Variants in UBE2Z observed in about 807,000 individuals in gnomAD.
UBE2Z encodes the protein ubiquitin-conjugating enzyme E2 Z.
A neutral mutation model predicts 32.6 loss-of-function variants in UBE2Z; 10 were observed. The observed-to-expected ratio is 0.31, with a 90% CI of 0.19 to 0.52. UBE2Z has a LOEUF of 0.52. UBE2Z is among the 20% of genes least tolerant of loss of function. UBE2Z has a pLI of 0.97. For synonymous variants in UBE2Z, 183 were observed against 190.8 expected, an observed-to-expected ratio of 0.96 and a Z score of 0.34; for missense variants, 343 against 480.9, an observed-to-expected ratio of 0.71 and a Z score of 2.68.
intron 1 of UBE2Z, among the ~76,000 whole-genome samples, chr17:48,909,951 C>T (rs1366906823): frequency 1.3e-5 from 2 of 152,208 alleles, no homozygotes; most frequent in African/African-American, 4.8e-5. Flanking sequence ...CCACCTCTAA[C>T]TGAAACTCAG....
chr17:48,926,167 T>TGG (rs1282674074), intron 6 of UBE2Z, among the ~76,000 whole-genome samples: 4 of 152,140 alleles, frequency 2.6e-5, no homozygotes, highest in African/African-American at 9.7e-5. Context: ...GACGAGTCCC[T>TGG]GGGGAGGAGT....
At chr17:48,917,158 T>C (rs557051643) in intron 4 of UBE2Z, among the ~76,000 whole-genome samples, 30 of 152,098 alleles carry the variant, frequency 2.0e-4, no homozygotes, top group Non-Finnish European at 1.3e-4. Flanking sequence ...TACAAAAAAT[T>C]AGCTGGGTGT....
chr17:48,917,007 C>T (rs1422544490), intron 4 of UBE2Z, among the ~76,000 whole-genome samples: 1 of 147,950 alleles, frequency 6.8e-6, no homozygotes, highest in African/African-American at 2.5e-5. Flanking sequence ...GTCCCCCCAC[C>T]CCCAAAAAAA....
intron 3 of UBE2Z, among the ~76,000 whole-genome samples, chr17:48,913,872 ATTTTTGTTTTGTTTTGTTTG>A (rs1402881560): frequency 1.1e-3 from 161 of 151,574 alleles, no homozygotes; most frequent in African/African-American, 3.5e-3. Context: ...TTATGGTTTC[ATTTTTGTTTTGTTTTGTTTG>A]TTTTTGTTTT....
rs1174761637 is a variant in UBE2Z, at chr17:48,908,608, C to T, written c.105C>T (p.Gly35=). 1.6e-6 allele frequency: 2 copies of T among 1,236,944 alleles called. No homozygotes were observed. The highest frequency in any genetic ancestry group is 2.0e-6 in the Non-Finnish European group (2 of 987,512). 76.6% of individuals were successfully genotyped at this position (1,236,944 alleles called of 1,614,324 possible). A position where few individuals can be genotyped will look rare whatever the true frequency, so the allele number is the denominator to read the frequency against. ...AGVVGVSGSG[G]GFGPPFLPDV... ...TTGTTGGCGTTAGCGGCAGCGGCGGCGGGTTCGGGCCGCCTTTCCTGCCGG... is the reference window on the plus strand; with the variant it reads ...TTGTTGGCGTTAGCGGCAGCGGCGGTGGGTTCGGGCCGCCTTTCCTGCCGG... The change falls in exon 1 of 7, where the codon GGC becomes GGT. Residue 35 remains glycine, a synonymous_variant. Coordinates refer to ENST00000360943, the MANE Select transcript of UBE2Z (RefSeq NM_023079.5).
chr17:48,910,357 C>A (rs548899862), intron 1 of UBE2Z: 4 of 165,702 alleles, frequency 2.4e-5, no homozygotes, highest in Admixed American at 2.3e-4. Context: ...CAATAAAGGT[C>A]CACTGTATAG....
chr17:48,927,298 C>A lies in UBE2Z; in HGVS notation c.*164C>A, dbSNP rs972718389. The A allele has an allele frequency of 1.3e-6, 1 of 742,908 alleles. No individual in the cohort carries two copies. The allele number at this position is 742,908 out of a possible 1,614,324, so 46.0% of individuals were successfully genotyped here. A position where few individuals can be genotyped will look rare whatever the true frequency, so the allele number is the denominator to read the frequency against. ...CGATCCCAGGGTGTGGGAGTGGGGG[C>A]CTGTTCCCGGTCTGACCTCCTTGGC... On this transcript the variant is annotated 3_prime_UTR_variant, in exon 7 of 7. Transcript: ENST00000360943.
chr17:48,926,773 G>T (rs762164624), intron 6 of UBE2Z, among the ~76,000 whole-genome samples, 191 bp from the exon 7 acceptor site: 10 of 152,244 alleles, frequency 6.6e-5, no homozygotes, highest in African/African-American at 1.4e-4. Flanking sequence ...GAGCCACCGC[G>T]CCTGGCCCAG....
chr17:48,910,749 G>C, intron 1 of UBE2Z, 59 bp from the exon 2 acceptor site: 1 of 1,322,886 alleles, frequency 7.6e-7, no homozygotes. Context: ...CTGCTCAAGG[G>C]ATTCCCCCTT....
chr17:48,924,056 C>T (rs542155327), intron 6 of UBE2Z, among the ~76,000 whole-genome samples: 234 of 152,308 alleles, frequency 1.5e-3, no homozygotes, highest in African/African-American at 5.4e-3. Context: ...GGGGTTTCAC[C>T]ATGTTGGCCA....
At chr17:48,924,602 T>C (rs1263967519) in intron 6 of UBE2Z, among the ~76,000 whole-genome samples, 2 of 152,012 alleles carry the variant, frequency 1.3e-5, no homozygotes, top group Non-Finnish European at 2.9e-5. Context: ...TCCCAGCACT[T>C]TGGGAGGCAG....
In UBE2Z at chr17:48,926,984, G is replaced by A. The variant is rs200801877; in HGVS notation, c.915G>A (p.Arg305=). 63 of 1,613,084 alleles carry A rather than the reference G, an allele frequency of 3.9e-5. 1 individual carries two copies. The South Asian group carries it at 5.6e-4, about 14-fold the overall frequency. ...QTMQDPFGEK[R]GHFDYQSLLM... is the part of the protein sequence containing the mutation. The stretch of plus-strand genomic sequence containing the variant: ...CACAGGACCCTTTTGGAGAGAAGCG[G>A]GGCCACTTTGACTACCAGTCCCTCT... Residue 305 remains arginine (R), a synonymous_variant, in exon 7 of 7, where the codon CGG becomes CGA. Coordinates refer to ENST00000360943, the MANE Select transcript of UBE2Z (RefSeq NM_023079.5).
intron 4 of UBE2Z, among the ~76,000 whole-genome samples, chr17:48,919,901 TCTTCA>T (rs1056775985): frequency 1.3e-5 from 2 of 152,170 alleles, no homozygotes; most frequent in African/African-American, 4.8e-5. Flanking sequence ...ACACTGAGAC[TCTTCA>T]CTTCATTTAT....
chr17:48,908,895 A>G, intron 1 of UBE2Z, 75 bp downstream of exon 1: 1 of 878,438 alleles, frequency 1.1e-6, no homozygotes, highest in Non-Finnish European at 1.4e-6. Flanking sequence ...CTCTCCCACT[A>G]CAACTCACCC....
chr17:48,914,963 G>A (rs2040708857), intron 3 of UBE2Z, among the ~76,000 whole-genome samples: 1 of 152,196 alleles, frequency 6.6e-6, no homozygotes, highest in South Asian at 2.1e-4. Context: ...AGAGGTTGCA[G>A]TGAGCCAAGA....
intron 6 of UBE2Z, among the ~76,000 whole-genome samples, chr17:48,923,756 A>G (rs1010992050): frequency 2.7e-5 from 4 of 148,258 alleles, no homozygotes; most frequent in African/African-American, 1.0e-4. Context: ...TTTTAAAGGC[A>G]GGTTCTCACT....
In UBE2Z at chr17:48,922,859, G is replaced by T; in HGVS notation, c.816G>T (p.Glu272Asp). The T allele has an allele frequency of 6.2e-7, 1 of 1,611,908 alleles. No individual in the cohort carries two copies. The highest frequency in any genetic ancestry group is 8.5e-7 in the Non-Finnish European group (1 of 1,178,426). The part of the protein sequence containing the change: ...PCPEPLRGVM[E>D]KSFLEYYDFY... ...GCTTGTTTTCCAGAGGGGTGATGGA[G>T]AAGTCCTTTCTGGAGTATTACGACT... The change falls in exon 6 of 7, where the codon GAG becomes GAT. Residue 272 changes from glutamate to aspartate, a missense_variant. By Grantham distance (45) the Glu-to-Asp change is conservative (BLOSUM62 2). This residue lies in a region of UBE2Z where 182 missense variants were observed against 312.4 expected (regional missense o/e 0.58). Coordinates refer to ENST00000360943, the MANE Select transcript of UBE2Z (RefSeq NM_023079.5).
rs1567779737 is a variant in UBE2Z, at chr17:48,921,288, G to T, written c.803+16G>T. ...AACCCCTACGGTATGTGTCAAGCGG[G>T]CTTGCTTGGTATTCCTTTCGGGCAT... On this transcript the variant is annotated intron_variant, in intron 5 of 6. Transcript: ENST00000360943. The T allele has an allele frequency of 1.9e-6, 3 of 1,596,012 alleles. No individual in the cohort carries two copies. The highest frequency in any genetic ancestry group is 2.7e-5 in the African/African-American group (2 of 74,618).
At chr17:48,911,541 T>G (rs1008595554) in intron 2 of UBE2Z, 1 of 152,256 alleles carries the variant, frequency 6.6e-6, no homozygotes, top group African/African-American at 2.4e-5. Flanking sequence ...AAATCATATT[T>G]CCTAAACCTA....
Sources: allele counts gnomAD v4.1 joint callset (sites outside exome capture counted in the v4.1 genomes callset), GRCh38; gene constraint gnomAD v4.1.1; regional missense constraint gnomAD v4.1.1; transcripts MANE v1.5; gene names NCBI Gene and HGNC (gene_info 2026-07-23, HGNC 2026-07-21).